DLG2: variants seen among roughly 807,000 people sequenced by gnomAD.
The protein encoded by DLG2 is discs large MAGUK scaffold protein 2, also known as disks large homolog 2.
In DLG2, 45 loss-of-function variants were observed where a neutral mutation model predicts 132.5. That is an observed-to-expected ratio of 0.34 (90% CI 0.27 to 0.44). The LOEUF (loss-of-function observed/expected upper bound fraction) is 0.44. Ranked by LOEUF, DLG2 falls within the 20% of genes least tolerant of loss-of-function variation. The probability of loss-of-function intolerance (pLI) is 1.00; values close to 1 mark genes in which losing one functional copy is unlikely to be tolerated. For missense variants in DLG2, 1,045 were observed against 1,196.9 expected, an observed-to-expected ratio of 0.87 and a Z score of 1.87; for synonymous variants, 424 against 419.6, an observed-to-expected ratio of 1.01 and a Z score of -0.13.
chr11:84,695,566 C>T (rs1215875893), intron 6 of DLG2, among the ~76,000 whole-genome samples: 2 of 151,468 alleles, frequency 1.3e-5, no homozygotes, highest in East Asian at 3.9e-4. Flanking sequence ...ATAGCTTTGT[C>T]AGAAAGCATG....
At chr11:84,392,249 G>A (rs1331804565) in intron 7 of DLG2, among the ~76,000 whole-genome samples, 1 of 152,148 alleles carries the variant, frequency 6.6e-6, no homozygotes, top group Non-Finnish European at 1.5e-5. Context: ...CTAGCGTGCA[G>A]AGCCTCGCAC....
intron 7 of DLG2, among the ~76,000 whole-genome samples, chr11:84,448,927 T>C (rs1286584639): frequency 2.0e-5 from 3 of 151,978 alleles, no homozygotes; most frequent in Non-Finnish European, 4.4e-5. Context: ...GAATGAAGCA[T>C]ATCACTTGAA....
chr11:83,730,744 T>G (rs1263007138), intron 18 of DLG2, among the ~76,000 whole-genome samples: 1 of 152,200 alleles, frequency 6.6e-6, no homozygotes, highest in East Asian at 1.9e-4. Flanking sequence ...TCTTGTCACT[T>G]CTCTAAAAAT....
chr11:84,839,433 G>C (rs964434945), intron 6 of DLG2, among the ~76,000 whole-genome samples: 1 of 152,034 alleles, frequency 6.6e-6, no homozygotes, highest in Non-Finnish European at 1.5e-5. Flanking sequence ...GTAATTTATA[G>C]ATTCAATGCC....
intron 7 of DLG2, among the ~76,000 whole-genome samples, chr11:84,389,935 TAAC>T (rs1368028459): frequency 5.9e-5 from 9 of 152,188 alleles, no homozygotes; most frequent in Non-Finnish European, 1.3e-4. Flanking sequence ...TCAAAAATGC[TAAC>T]AACAGTTATT....
chr11:85,197,591 G>A (rs1054780923), intron 4 of DLG2, among the ~76,000 whole-genome samples: 10 of 152,098 alleles, frequency 6.6e-5, no homozygotes, highest in Non-Finnish European at 1.3e-4. Context: ...TAAACTTATT[G>A]AGTTTACTTA....
chr11:83,516,069 C>T (rs991800604), intron 21 of DLG2, among the ~76,000 whole-genome samples: 4 of 152,152 alleles, frequency 2.6e-5, no homozygotes, highest in African/African-American at 9.7e-5. Context: ...AGTTCAATTC[C>T]TGGATATCCT....
intron 19 of DLG2, among the ~76,000 whole-genome samples, chr11:83,547,626 A>G (rs1359812256): frequency 6.6e-6 from 1 of 152,166 alleles, no homozygotes; most frequent in Non-Finnish European, 1.5e-5. Context: ...TCCTACAACC[A>G]TATGATGACC....
intron 18 of DLG2, among the ~76,000 whole-genome samples, chr11:83,711,929 C>A (rs920255197): frequency 2.0e-5 from 3 of 152,054 alleles, no homozygotes; most frequent in African/African-American, 7.2e-5. Flanking sequence ...ATCAAAACCA[C>A]AACGAGATAC....
chr11:84,519,447 G>C (rs111228794), intron 7 of DLG2, among the ~76,000 whole-genome samples: 2,695 of 152,288 alleles, frequency 0.018, 24 homozygotes, highest in Middle Eastern at 0.044. Context: ...CTCTTGGCTT[G>C]AATAGATGGT....
intron 3 of DLG2, among the ~76,000 whole-genome samples, chr11:85,296,900 T>G (rs2079260838): frequency 6.7e-6 from 1 of 149,944 alleles, no homozygotes; most frequent in Non-Finnish European, 1.5e-5. Context: ...TATAATTATA[T>G]TATTGTACAA....
chr11:84,441,185 C>G (rs1024570568), intron 7 of DLG2, among the ~76,000 whole-genome samples: 3 of 151,240 alleles, frequency 2.0e-5, no homozygotes, highest in African/African-American at 7.4e-5. Context: ...CTTGTTCTGT[C>G]ACCCAGGATG....
At chr11:84,739,416 G>A (rs1259959728) in intron 6 of DLG2, among the ~76,000 whole-genome samples, 1 of 151,956 alleles carries the variant, frequency 6.6e-6, no homozygotes, top group Non-Finnish European at 1.5e-5. Flanking sequence ...ATTCCACATG[G>A]GGCTCAGTTT....
rs1555134807 is a variant in DLG2, at chr11:83,511,101, C to CACACACACACACACAA, written c.2193+21606_2193+21607insTTGTGTGTGTGTGTGT. ...ACACACACACAGACACACACACACA[C>CACACACACACACACAA]ACACACACACACATTCTTTTCTATC... is the stretch of plus-strand genomic sequence containing the variant. On this transcript the variant is annotated intron_variant, in intron 21 of 27. Coordinates refer to ENST00000376104, the MANE Select transcript of DLG2 (RefSeq NM_001142699.3). Among the ~76,000 whole-genome samples, 3 of 149,712 alleles carry CACACACACACACACAA rather than the reference C, an allele frequency of 2.0e-5. No individual in the cohort carries two copies. In the East Asian group the frequency reaches 5.8e-4, roughly 29 times the overall value.
chr11:84,123,992 T>A (rs1595723819), intron 9 of DLG2, among the ~76,000 whole-genome samples: 1 of 152,340 alleles, frequency 6.6e-6, no homozygotes, highest in South Asian at 2.1e-4. Context: ...AAAAATAAAG[T>A]CGGTTGAGAG....
chr11:85,299,283 T>A (rs1376138296), intron 3 of DLG2, among the ~76,000 whole-genome samples: 2 of 152,190 alleles, frequency 1.3e-5, no homozygotes, highest in Admixed American at 1.3e-4. Flanking sequence ...GGATAGGAAC[T>A]AGGTATGTCT....
intron 21 of DLG2, among the ~76,000 whole-genome samples, chr11:83,523,727 A>G (rs1288590148): frequency 6.6e-6 from 1 of 152,196 alleles, no homozygotes; most frequent in Non-Finnish European, 1.5e-5. Context: ...ATGGTTCTCC[A>G]AAGCAGTAAG....
chr11:84,719,225 C>G (rs1565766846), intron 6 of DLG2, among the ~76,000 whole-genome samples: 1 of 152,158 alleles, frequency 6.6e-6, no homozygotes, highest in Non-Finnish European at 1.5e-5. Flanking sequence ...ACTTTACTGC[C>G]TAAGGTGCTT....
intron 7 of DLG2, among the ~76,000 whole-genome samples, chr11:84,404,715 C>T (rs1419659711): frequency 2.0e-5 from 3 of 151,936 alleles, no homozygotes; most frequent in Non-Finnish European, 4.4e-5. Context: ...AACAACTCAA[C>T]CAGCTATAAT....
Sources: allele counts gnomAD v4.1 joint callset (sites outside exome capture counted in the v4.1 genomes callset), GRCh38; gene constraint gnomAD v4.1.1; transcripts MANE v1.5; gene names NCBI Gene and HGNC (gene_info 2026-07-23, HGNC 2026-07-21).